OPCML: variants seen among roughly 807,000 people sequenced by gnomAD.
The protein encoded by OPCML is opioid-binding protein/cell adhesion molecule.
In OPCML, 13 loss-of-function variants were observed where a neutral mutation model predicts 37.8. That is an observed-to-expected ratio of 0.34 (90% CI 0.22 to 0.55). The LOEUF (loss-of-function observed/expected upper bound fraction) is 0.55, where lower values mean the gene tolerates loss of function less well. OPCML is among the 20% of genes least tolerant of loss of function. The pLI, the probability that OPCML is intolerant of heterozygous loss-of-function variation, is 0.91. For synonymous variants in OPCML, 176 were observed against 168.8 expected, an observed-to-expected ratio of 1.04 and a Z score of -0.33; for missense variants, 341 against 435.6, an observed-to-expected ratio of 0.78 and a Z score of 1.93.
intron 3 of OPCML, among the ~76,000 whole-genome samples, chr11:132,647,300 C>T (rs575446798): frequency 3.3e-5 from 5 of 152,138 alleles, no homozygotes; most frequent in African/African-American, 1.2e-4. Flanking sequence ...TGAATCCCAC[C>T]CTCTGGGGTT....
intron 4 of OPCML, among the ~76,000 whole-genome samples, chr11:132,478,336 G>A (rs1247631852): frequency 6.6e-6 from 1 of 152,176 alleles, no homozygotes; most frequent in African/African-American, 2.4e-5. Flanking sequence ...CAGTGCAAAG[G>A]AAAGTACAGA....
chr11:133,497,862 T>G (rs1947818722), intron 1 of OPCML, among the ~76,000 whole-genome samples: 1 of 152,164 alleles, frequency 6.6e-6, no homozygotes, highest in South Asian at 2.1e-4. Flanking sequence ...TAAACCTGGG[T>G]CACCTCTGAG....
At chr11:132,749,400 G>A (rs527829515) in intron 2 of OPCML, among the ~76,000 whole-genome samples, 5 of 152,290 alleles carry the variant, frequency 3.3e-5, no homozygotes, top group South Asian at 4.1e-4. Flanking sequence ...CATCCAAGAC[G>A]ATAGGAAAGA....
intron 2 of OPCML, among the ~76,000 whole-genome samples, chr11:132,906,696 G>C (rs541555625): frequency 6.6e-6 from 1 of 152,260 alleles, no homozygotes; most frequent in Admixed American, 6.5e-5. Flanking sequence ...CCCTTGTTAC[G>C]GGGCTGGAAA....
At chr11:133,377,948 G>A (rs1351604083) in intron 1 of OPCML, among the ~76,000 whole-genome samples, 1 of 152,210 alleles carries the variant, frequency 6.6e-6, no homozygotes, top group Non-Finnish European at 1.5e-5. Context: ...CCTTCAGGGT[G>A]AGTTAGTTTT....
chr11:133,029,072 CT>C (rs1336800844), intron 1 of OPCML, among the ~76,000 whole-genome samples: 1 of 152,120 alleles, frequency 6.6e-6, no homozygotes, highest in East Asian at 1.9e-4. Context: ...ACAGACACTT[CT>C]TTAAAAAAGA....
intron 2 of OPCML, among the ~76,000 whole-genome samples, chr11:132,719,901 A>G (rs1026531391): frequency 3.9e-5 from 6 of 152,156 alleles, no homozygotes; most frequent in Non-Finnish European, 4.4e-5. Flanking sequence ...CACTCCAGGA[A>G]GGCTGTGGGT....
chr11:133,464,794 T>C (rs943401783), intron 1 of OPCML, among the ~76,000 whole-genome samples: 3 of 152,136 alleles, frequency 2.0e-5, no homozygotes, highest in Admixed American at 6.5e-5. Flanking sequence ...CCTAAGATGG[T>C]TGTACAAGAG....
chr11:132,534,423 TA>T (rs1316940440), intron 3 of OPCML, among the ~76,000 whole-genome samples: 1 of 152,152 alleles, frequency 6.6e-6, no homozygotes, highest in East Asian at 1.9e-4. Flanking sequence ...AGATGCTTAA[TA>T]AAAACTTGTT....
intron 2 of OPCML, among the ~76,000 whole-genome samples, chr11:132,857,893 C>T (rs537592861): frequency 1.9e-4 from 29 of 152,132 alleles, no homozygotes; most frequent in African/African-American, 4.1e-4. Flanking sequence ...AAAAAGGCCC[C>T]GAGACCACAG....
At chr11:132,895,167 C>A (rs545045935) in intron 2 of OPCML, among the ~76,000 whole-genome samples, 5 of 152,316 alleles carry the variant, frequency 3.3e-5, no homozygotes, top group African/African-American at 9.6e-5. Context: ...CTCTCTAGTG[C>A]AAACTGCTCA....
At chr11:132,806,546 C>G (rs1027555089) in intron 2 of OPCML, among the ~76,000 whole-genome samples, 2 of 152,036 alleles carry the variant, frequency 1.3e-5, no homozygotes, top group Non-Finnish European at 2.9e-5. Context: ...GCAAATTACC[C>G]ACAAGGCATG....
chr11:132,738,397 G>C (rs1411049352), intron 2 of OPCML, among the ~76,000 whole-genome samples: 1 of 152,156 alleles, frequency 6.6e-6, no homozygotes, highest in Admixed American at 6.5e-5. Flanking sequence ...TACCCTCCCT[G>C]CTTCACTCAT....
chr11:132,512,593 G>A (rs1041369873), intron 4 of OPCML, among the ~76,000 whole-genome samples: 2 of 151,890 alleles, frequency 1.3e-5, no homozygotes, highest in African/African-American at 4.8e-5. Flanking sequence ...AAGAGTATAT[G>A]TTCTAAAATT....
intron 2 of OPCML, among the ~76,000 whole-genome samples, chr11:132,730,008 C>CTTTTTTTTT (rs11389495): frequency 4.5e-5 from 4 of 88,472 alleles, no homozygotes; most frequent in African/African-American, 9.1e-5. Flanking sequence ...TTCTATGTGA[C>CTTTTTTTTT]TTTTTTTTTT....
chr11:133,241,121 G>A (rs368024242), intron 1 of OPCML, among the ~76,000 whole-genome samples: 3 of 152,312 alleles, frequency 2.0e-5, no homozygotes, highest in East Asian at 3.9e-4. Flanking sequence ...TCATTTACTA[G>A]GGGCAGTCTT....
At chr11:132,575,548 G>A (rs772573843) in intron 3 of OPCML, among the ~76,000 whole-genome samples, 3 of 151,718 alleles carry the variant, frequency 2.0e-5, no homozygotes, top group Admixed American at 6.6e-5. Flanking sequence ...CCCACACTTT[G>A]TTTATTGTCA....
chr11:132,503,552 C>G (rs937816828), intron 4 of OPCML, among the ~76,000 whole-genome samples: 2 of 151,924 alleles, frequency 1.3e-5, no homozygotes, highest in Non-Finnish European at 2.9e-5. Flanking sequence ...AAAAAAGTAT[C>G]AATATTATAA....
intron 1 of OPCML, among the ~76,000 whole-genome samples, chr11:133,218,843 T>C (rs1471316341): frequency 1.3e-5 from 2 of 152,170 alleles, no homozygotes; most frequent in Non-Finnish European, 2.9e-5. Context: ...AAATTATACA[T>C]GGACCCTTAC....
Sources: gnomAD v4.1 joint callset for allele counts (sites outside exome capture counted in the v4.1 genomes callset) on GRCh38, gnomAD v4.1.1 for gene constraint, MANE v1.5 for transcripts, NCBI Gene and HGNC (gene_info 2026-07-23, HGNC 2026-07-21) for gene names.